Variants in RTN4IP1 observed in about 807,000 individuals in gnomAD.
The protein encoded by RTN4IP1 is reticulon 4 interacting protein 1, also known as NAD(P)H oxidoreductase RTN4IP1, mitochondrial.
RTN4IP1 carries 32 observed loss-of-function variants against 46.6 expected under a neutral mutation model. The observed-to-expected ratio is 0.69, with a 90% CI of 0.52 to 0.92. The LOEUF is 0.92. Among genes scored for constraint, RTN4IP1 ranks in the 40% least tolerant of loss-of-function variants. RTN4IP1 has a pLI of 0.00. For synonymous variants in RTN4IP1, 167 were observed against 161.8 expected (o/e 1.03, Z -0.24); for missense variants, 424 against 485.8 (o/e 0.87, Z 1.20).
chr6:106,625,402 T>C (rs895453889), intron 1 of RTN4IP1, among the ~76,000 whole-genome samples: 18 of 152,098 alleles, frequency 1.2e-4, no homozygotes, highest in African/African-American at 4.3e-4. Context: ...AGACAGGTTT[T>C]CAAATAAGGT....
At chr6:106,576,603 C>CTAT (rs1209125288) in intron 8 of RTN4IP1, among the ~76,000 whole-genome samples, 1 of 152,182 alleles carries the variant, frequency 6.6e-6, no homozygotes, top group Non-Finnish European at 1.5e-5. Context: ...GAGGGCCCAG[C>CTAT]TATTCAAGAC....
chr6:106,592,342 G>C, intron 5 of RTN4IP1, 42 bp from the exon 6 acceptor site: 1 of 1,592,024 alleles, frequency 6.3e-7, no homozygotes, highest in Non-Finnish European at 8.5e-7. Context: ...AAAAGGGAGA[G>C]ATTAGAAAAA....
intron 1 of RTN4IP1, among the ~76,000 whole-genome samples, chr6:106,625,333 G>A (rs1776608206): frequency 6.6e-6 from 1 of 152,048 alleles, no homozygotes; most frequent in African/African-American, 2.4e-5. Context: ...TAGGGATGAG[G>A]AGAAAGCAGC....
At chr6:106,608,482 G>T (rs1317147670) in intron 4 of RTN4IP1, among the ~76,000 whole-genome samples, 2 of 152,086 alleles carry the variant, frequency 1.3e-5, no homozygotes, top group Non-Finnish European at 2.9e-5. Context: ...CTAAAAGAGA[G>T]GATTTTTAAT....
Position 106,625,388 on chromosome 6 carries a change from C to T in RTN4IP1, c.275-2419G>A, listed in dbSNP as rs113973563. Among the ~76,000 whole-genome samples, 466 of 152,120 alleles carry T rather than the reference C, an allele frequency of 3.1e-3. 4 individuals carry two copies. The highest frequency in any genetic ancestry group is 0.01 in the African/African-American group (425 of 41,500). ...GTTTAAAGACATTCAATGCTGCTGA[C>T]GGGAGACAGGTTTTCAAATAAGGTC... On this transcript the variant is annotated intron_variant, in intron 1 of 8. Coordinates refer to ENST00000369063, the MANE Select transcript of RTN4IP1 (RefSeq NM_032730.5).
intron 4 of RTN4IP1, among the ~76,000 whole-genome samples, chr6:106,603,879 AG>A (rs1219576121): frequency 1.3e-5 from 2 of 152,198 alleles, no homozygotes; most frequent in African/African-American, 4.8e-5. Flanking sequence ...ATTGAGGCTG[AG>A]GGACATTATA....
At chr6:106,584,937 T>C (rs762977381) in intron 7 of RTN4IP1, among the ~76,000 whole-genome samples, 1 of 152,208 alleles carries the variant, frequency 6.6e-6, no homozygotes, top group Non-Finnish European at 1.5e-5. Context: ...ACTACAGATA[T>C]AAAGAGAGTC....
At chr6:106,576,527 T>C (rs748188022) in intron 8 of RTN4IP1, among the ~76,000 whole-genome samples, 1 of 152,192 alleles carries the variant, frequency 6.6e-6, no homozygotes, top group Admixed American at 6.5e-5. Context: ...CACTACATTC[T>C]TTCTATGGAG....
intron 4 of RTN4IP1, among the ~76,000 whole-genome samples, chr6:106,604,640 A>G (rs1486820902): frequency 6.6e-6 from 1 of 152,112 alleles, no homozygotes; most frequent in Non-Finnish European, 1.5e-5. Context: ...ACTCACATGA[A>G]AGAAGACTAG....
At chr6:106,584,325 C>A (rs978105750) in intron 7 of RTN4IP1, among the ~76,000 whole-genome samples, 2 of 152,170 alleles carry the variant, frequency 1.3e-5, no homozygotes, top group Admixed American at 1.3e-4. Flanking sequence ...CCTCAATGAC[C>A]TGCCCAACCA....
upstream of RTN4IP1, chr6:106,629,554 C>G: frequency 8.5e-7 from 1 of 1,182,470 alleles, no homozygotes; most frequent in Non-Finnish European, 1.2e-6. Flanking sequence ...TCAACCAATC[C>G]AAGTACTCGG....
At chr6:106,599,712 T>A (rs908746676) in intron 5 of RTN4IP1, among the ~76,000 whole-genome samples, 2 of 152,112 alleles carry the variant, frequency 1.3e-5, no homozygotes, top group African/African-American at 2.4e-5. Context: ...CATTTGGGTT[T>A]TTCTAGTTGG....
At position 106,602,897 on chromosome 6, in the gene RTN4IP1, C is replaced by T. The variant is rs1304915034; in HGVS notation, c.646G>A (p.Gly216Arg). The change falls in exon 5 of 9, where the codon GGA becomes AGA. Residue 216 changes from glycine (G) to arginine (R), a missense_variant. By Grantham distance (125) the Gly-to-Arg change is moderately radical (BLOSUM62 -2). Coordinates refer to ENST00000369063, the MANE Select transcript of RTN4IP1 (RefSeq NM_032730.5). ...ACCTGTATAGCAAAAGTACCAACTC[C>T]GCCTGAAGCGCCTAAGATTAGAACA... Reference protein sequence around the residue: ...KRVLILGASGGVGTFAIQVMK... With the variant: ...KRVLILGASGRVGTFAIQVMK... The T allele has an allele frequency of 6.9e-6, 11 of 1,604,162 alleles. No homozygotes were observed. The highest frequency in any genetic ancestry group is 2.3e-5 in the East Asian group (1 of 44,364).
intron 5 of RTN4IP1, among the ~76,000 whole-genome samples, chr6:106,595,686 A>C (rs6911551): frequency 0.78 from 118,399 of 151,752 alleles, 47,620 homozygotes; most frequent in Non-Finnish European, 0.89. Context: ...TTATTAGAGA[A>C]GGGGTTTCGC....
intron 4 of RTN4IP1, among the ~76,000 whole-genome samples, chr6:106,618,785 T>A (rs1166059786): frequency 6.6e-6 from 1 of 152,186 alleles, no homozygotes; most frequent in Non-Finnish European, 1.5e-5. Context: ...AGTGTGAGAA[T>A]AACTCCTGGG....
At chr6:106,590,053 C>G (rs1775608432) in intron 6 of RTN4IP1, among the ~76,000 whole-genome samples, 1 of 152,190 alleles carries the variant, frequency 6.6e-6, no homozygotes, top group Admixed American at 6.5e-5. Flanking sequence ...TGCAGTGGCT[C>G]ATGCCTGTAA....
chr6:106,630,159 C>T (rs1776789402), upstream of RTN4IP1, among the ~76,000 whole-genome samples: 1 of 152,162 alleles, frequency 6.6e-6, no homozygotes, highest in African/African-American at 2.4e-5. Flanking sequence ...ATTTACCTAC[C>T]ACTAAGATAC....
intron 8 of RTN4IP1, among the ~76,000 whole-genome samples, chr6:106,574,495 T>C (rs1775171060): frequency 6.6e-6 from 1 of 151,734 alleles, no homozygotes; most frequent in South Asian, 2.1e-4. Flanking sequence ...AACCTGAACC[T>C]ATCACTCCTC....
In RTN4IP1 at chr6:106,629,451, G is replaced by T; in HGVS notation, c.-430C>A. 1 of 609,668 alleles carries T rather than the reference G, an allele frequency of 1.6e-6. No individual in the cohort carries two copies. Among genetic ancestry groups the T allele is most frequent in the South Asian group, 2.1e-5 (1 of 47,682 alleles). The allele number at this position is 609,668 out of a possible 1,614,324, so 37.8% of individuals were successfully genotyped here. On this transcript the variant is annotated 5_prime_UTR_variant, in exon 1 of 9. Coordinates refer to ENST00000369063, the MANE Select transcript of RTN4IP1 (RefSeq NM_032730.5). ...CCGACTGCCGCCGCGACCCTGGCCC[G>T]GAATCTCCTTGCCTGCCCGCTCTCC...
Sources: gnomAD v4.1 joint callset for allele counts (sites outside exome capture counted in the v4.1 genomes callset) on GRCh38, gnomAD v4.1.1 for gene constraint, MANE v1.5 for transcripts, NCBI Gene and HGNC (gene_info 2026-07-23, HGNC 2026-07-21) for gene names.